POP1: variants seen among roughly 807,000 people sequenced by gnomAD.
The protein encoded by POP1 is ribonucleases P/MRP protein subunit POP1.
A neutral mutation model predicts 102.2 loss-of-function variants in POP1; 75 were observed. That is an observed-to-expected ratio of 0.73 (90% confidence interval 0.61 to 0.89). The LOEUF (loss-of-function observed/expected upper bound fraction) is 0.89, where lower values mean the gene tolerates loss of function less well. POP1 is among the 40% of genes least tolerant of loss of function. POP1 has a pLI of 0.00. For synonymous variants in POP1, 436 were observed against 464.1 expected, an observed-to-expected ratio of 0.94 and a Z score of 0.78; for missense variants, 1,116 against 1,267.4, an observed-to-expected ratio of 0.88 and a Z score of 1.81.
At chr8:98,155,805 A>G (rs964641614) in intron 14 of POP1, among the ~76,000 whole-genome samples, 2 of 150,932 alleles carry the variant, frequency 1.3e-5, no homozygotes, top group Admixed American at 6.6e-5. Context: ...CGAACTCCTG[A>G]CCTCAGGTGA....
In POP1 at chr8:98,158,075, C is replaced by T; in HGVS notation, c.2879C>T (p.Ser960Phe). The change falls in exon 16 of 16, where the codon TCC becomes TTC. Residue 960 changes from serine to phenylalanine, a missense_variant. Coordinates refer to ENST00000401707, the MANE Select transcript of POP1 (RefSeq NM_001145860.2). ...GPLPRVTLHCSRTLLGFVTQG... is the reference protein window; with the variant it reads ...GPLPRVTLHCFRTLLGFVTQG... ...CTGCCGCGTGTGACGTTGCACTGCT[C>T]CAGAACTCTCCTAGGCTTTGTGACT... The T allele has an allele frequency of 6.2e-7, 1 of 1,608,752 alleles. No homozygotes were observed. Among genetic ancestry groups the T allele is most frequent in the Non-Finnish European group, 8.5e-7 (1 of 1,179,122 alleles).
rs957225971 is a variant in POP1, at chr8:98,157,471, T to C, written c.2421-146T>C. 3.4e-6 allele frequency: 3 copies of C among 881,586 alleles called. No homozygotes were observed. The Admixed American group carries it at 7.3e-5, about 21-fold the overall frequency. The allele number at this position is 881,586 out of a possible 1,614,324, so 54.6% of individuals were successfully genotyped here. On this transcript the variant is annotated intron_variant, in intron 15 of 15. Coordinates refer to ENST00000401707, the MANE Select transcript of POP1 (RefSeq NM_001145860.2). ...ATATAAGTACTAAAATGTACTACAG[T>C]GTATTTCTAATTTTTAAAAAATTGT...
At chr8:98,150,789 A>G in intron 14 of POP1, 150 bp downstream of exon 14, 1 of 826,418 alleles carries the variant, frequency 1.2e-6, no homozygotes, top group South Asian at 1.8e-5. Flanking sequence ...AGAAGATATT[A>G]CTTAAGTGAG....
At position 98,134,042 on chromosome 8, in the gene POP1, C is replaced by A; in HGVS notation, c.823+6C>A. On this transcript the variant is annotated splice_donor_region_variant and intron_variant, in intron 6 of 15. Coordinates refer to ENST00000401707, the MANE Select transcript of POP1 (RefSeq NM_001145860.2). ...AATGTGTAACATAGACACAGGTAAACTTGTTTTAAAGCTGAGTTCTATTTT... is the reference window on the plus strand; with the variant it reads ...AATGTGTAACATAGACACAGGTAAAATTGTTTTAAAGCTGAGTTCTATTTT... 1 of 1,592,518 alleles carries A rather than the reference C, an allele frequency of 6.3e-7. No homozygotes were observed. The highest frequency in any genetic ancestry group is 2.2e-5 in the East Asian group (1 of 44,770).
chr8:98,137,656 C>A (rs1816585497), intron 9 of POP1, among the ~76,000 whole-genome samples: 1 of 152,212 alleles, frequency 6.6e-6, no homozygotes, highest in Non-Finnish European at 1.5e-5. Context: ...TCTAGGGCAG[C>A]ACTTCCAGTA....
At chr8:98,138,236 T>C (rs1054139653) in intron 9 of POP1, among the ~76,000 whole-genome samples, 2 of 152,228 alleles carry the variant, frequency 1.3e-5, no homozygotes, top group African/African-American at 4.8e-5. Context: ...TAGCTTCTCA[T>C]TGTAATTAAG....
chr8:98,125,913 G>A (rs371017339), intron 2 of POP1, among the ~76,000 whole-genome samples: 2 of 151,904 alleles, frequency 1.3e-5, no homozygotes, highest in African/African-American at 4.8e-5. Context: ...TGGCACAATC[G>A]TGGCTCACTT....
At chr8:98,151,373 G>A (rs1372767097) in intron 14 of POP1, among the ~76,000 whole-genome samples, 4 of 152,218 alleles carry the variant, frequency 2.6e-5, no homozygotes, top group Non-Finnish European at 4.4e-5. Context: ...GAGCCACTGT[G>A]CCTGGCCAAG....
At chr8:98,145,205 C>T (rs1816811349) in intron 11 of POP1, among the ~76,000 whole-genome samples, 1 of 152,120 alleles carries the variant, frequency 6.6e-6, no homozygotes, top group African/African-American at 2.4e-5. Flanking sequence ...GGCTTTTAAA[C>T]AGTTTTAATC....
Position 98,117,373 on chromosome 8 carries a change from C to CCTCA in POP1, c.-18_-15dup, listed in dbSNP as rs1382176923. On this transcript the variant is annotated 5_prime_UTR_variant, in exon 1 of 16. Transcript: ENST00000401707. The stretch of plus-strand genomic sequence containing the variant: ...GGCTTGTCATTCTGACCCGGGGATT[C>CCTCA]CTCACAGCGTCTGGCAGGTTGGTCG... 1 of 467,782 alleles carries CCTCA rather than the reference C, an allele frequency of 2.1e-6. No individual in the cohort carries two copies. The highest frequency in any genetic ancestry group is 3.9e-6 in the Non-Finnish European group (1 of 256,378). The allele number at this position is 467,782 out of a possible 1,614,324, so 29.0% of individuals were successfully genotyped here. A position where few individuals can be genotyped will look rare whatever the true frequency, so the allele number is the denominator to read the frequency against.
At chr8:98,126,585 A>T (rs1816213556) in intron 2 of POP1, among the ~76,000 whole-genome samples, 1 of 152,216 alleles carries the variant, frequency 6.6e-6, no homozygotes, top group Admixed American at 6.5e-5. Flanking sequence ...AAATACTTAC[A>T]TGTGAGTAAG....
Position 98,157,466 on chromosome 8 carries a change from TA to T in POP1, c.2421-150del, listed in dbSNP as rs1809679235. On this transcript the variant is annotated intron_variant, in intron 15 of 15. Transcript: ENST00000401707. The stretch of plus-strand genomic sequence containing the variant: ...GAAAAATATAAGTACTAAAATGTAC[TA>T]CAGTGTATTTCTAATTTTTAAAAAA... The T allele has an allele frequency of 3.5e-6, 3 of 852,722 alleles. No individual in the cohort carries two copies. The South Asian group carries it at 5.1e-5, about 15-fold the overall frequency. 52.8% of individuals were successfully genotyped at this position (852,722 alleles called of 1,614,324 possible).
intron 14 of POP1, among the ~76,000 whole-genome samples, chr8:98,151,029 A>AAAATATATAAAAAGATAT (rs1179922622): frequency 6.6e-6 from 1 of 152,236 alleles, no homozygotes; most frequent in Non-Finnish European, 1.5e-5. Context: ...TTAAACTATG[A>AAAATATATAAAAAGATAT]AAATATATAA....
At chr8:98,143,884 T>C (rs1338338649) in intron 11 of POP1, among the ~76,000 whole-genome samples, 1 of 152,188 alleles carries the variant, frequency 6.6e-6, no homozygotes, top group Non-Finnish European at 1.5e-5. Context: ...CCAGGCATGG[T>C]GGCTCACGCC....
In POP1 at chr8:98,136,952, A is replaced by C. The variant is rs758732509; in HGVS notation, c.1360A>C (p.Thr454Pro). Residue 454 changes from threonine to proline, a missense_variant and splice_region_variant, in exon 9 of 16, where the codon ACT becomes CCT. By Grantham distance (38) the Thr-to-Pro change is conservative (BLOSUM62 -1). Coordinates refer to ENST00000401707, the MANE Select transcript of POP1 (RefSeq NM_001145860.2). ...TEAIKAASVH[T>P]VGEDTEETPH... Reference sequence around the variant, plus strand: ...AGCAATAAAAGCTGCTTCTGTCCACACTGTAAGAGTAAAAGTGACTGTAGT... The same window carrying C: ...AGCAATAAAAGCTGCTTCTGTCCACCCTGTAAGAGTAAAAGTGACTGTAGT... 3 of 1,594,970 alleles carry C rather than the reference A, an allele frequency of 1.9e-6. No individual in the cohort carries two copies. Among genetic ancestry groups the C allele is most frequent in the Non-Finnish European group, 2.6e-6 (3 of 1,162,616 alleles).
intron 9 of POP1, among the ~76,000 whole-genome samples, chr8:98,138,988 A>G (rs1254835572): frequency 6.6e-6 from 1 of 151,754 alleles, no homozygotes; most frequent in Non-Finnish European, 1.5e-5. Context: ...GAGTAGCTGG[A>G]ATTACAGGTG....
At chr8:98,155,973 A>G in intron 14 of POP1, 77 bp from the exon 15 acceptor site, 2 of 1,434,740 alleles carry the variant, frequency 1.4e-6, no homozygotes, top group South Asian at 1.2e-5. Context: ...ATAGAGATGC[A>G]TTATAATGGT....
At chr8:98,135,802 G>A (rs764293642) in intron 7 of POP1, among the ~76,000 whole-genome samples, 2 of 151,400 alleles carry the variant, frequency 1.3e-5, no homozygotes, top group Non-Finnish European at 2.9e-5. Flanking sequence ...AGGCTCAAAT[G>A]ATCCTCCTAC....
intron 1 of POP1, among the ~76,000 whole-genome samples, chr8:98,120,616 C>T (rs1815983212): frequency 6.6e-6 from 1 of 150,622 alleles, no homozygotes; most frequent in South Asian, 2.1e-4. Context: ...GGATTACAAG[C>T]GCATGCCATC....
Sources: allele counts gnomAD v4.1 joint callset (sites outside exome capture counted in the v4.1 genomes callset), GRCh38; gene constraint gnomAD v4.1.1; transcripts MANE v1.5; gene names NCBI Gene and HGNC (gene_info 2026-07-23, HGNC 2026-07-21).